The following MARCHF1 variants were observed in gnomAD, a reference collection of about 807,000 sequenced individuals.
MARCHF1 encodes E3 ubiquitin-protein ligase MARCHF1.
Under a neutral mutation model 54.2 loss-of-function variants are expected in MARCHF1, and 40 were observed. The observed-to-expected ratio is 0.74, with a 90% confidence interval of 0.57 to 0.96. The LOEUF (loss-of-function observed/expected upper bound fraction) is 0.96. Among genes scored for constraint, MARCHF1 ranks in the 40% least tolerant of loss-of-function variants. The probability of loss-of-function intolerance (pLI) is 0.00; values close to 1 mark genes in which losing one functional copy is unlikely to be tolerated. For synonymous variants in MARCHF1, 236 were observed against 236.3 expected, an observed-to-expected ratio of 1.00 and a Z score of 0.01; for missense variants, 586 against 656.5, an observed-to-expected ratio of 0.89 and a Z score of 1.17.
intron 4 of MARCHF1, among the ~76,000 whole-genome samples, chr4:163,736,873 T>C (rs1746048927): frequency 6.6e-6 from 1 of 152,212 alleles, no homozygotes; most frequent in Non-Finnish European, 1.5e-5. Context: ...TAAAATATAC[T>C]GTCTTCATAC....
intron 5 of MARCHF1, among the ~76,000 whole-genome samples, chr4:163,698,471 T>C (rs1419467535): frequency 6.6e-6 from 1 of 152,194 alleles, no homozygotes; most frequent in Non-Finnish European, 1.5e-5. Context: ...CTGAAATCTG[T>C]TTATTCCTAT....
intron 9 of MARCHF1, among the ~76,000 whole-genome samples, chr4:163,536,817 C>CT (rs914904096): frequency 6.6e-6 from 1 of 152,096 alleles, no homozygotes; most frequent in African/African-American, 2.4e-5. Flanking sequence ...GATCCCTCCA[C>CT]TTTCCTTCAC....
chr4:163,915,341 G>T lies in MARCHF1; in HGVS notation c.-38-61172C>A, dbSNP rs1751283962. Reference sequence around the variant, plus strand: ...AACCATAATCCCAACTTAATTATGAGAAAAATGTAAAAACTCCAAATAGAT... The same window carrying T: ...AACCATAATCCCAACTTAATTATGATAAAAATGTAAAAACTCCAAATAGAT... On this transcript the variant is annotated intron_variant, in intron 3 of 9. Coordinates refer to ENST00000514618, the MANE Select transcript of MARCHF1 (RefSeq NM_001394959.1). 2.0e-5 allele frequency among the ~76,000 whole-genome samples: 3 copies of T among 151,958 alleles called. No individual in the cohort carries two copies. The South Asian group carries it at 6.3e-4, about 32-fold the overall frequency.
chr4:163,926,477 A>G lies in MARCHF1; in HGVS notation c.-39+62024T>C, dbSNP rs377131365. On this transcript the variant is annotated intron_variant, in intron 3 of 9. Coordinates refer to ENST00000514618, the MANE Select transcript of MARCHF1 (RefSeq NM_001394959.1). ...TGTATAGAACTTTTGGTGAACATATACTCTTAACTGTTGGGCCAATACATA... is the reference window on the plus strand; with the variant it reads ...TGTATAGAACTTTTGGTGAACATATGCTCTTAACTGTTGGGCCAATACATA... Among the ~76,000 whole-genome samples, 6 of 151,440 alleles carry G rather than the reference A, an allele frequency of 4.0e-5. No individual in the cohort carries two copies. The East Asian group carries it at 7.7e-4, about 19-fold the overall frequency.
chr4:163,750,985 A>C (rs1431244357), intron 4 of MARCHF1, among the ~76,000 whole-genome samples: 1 of 152,244 alleles, frequency 6.6e-6, no homozygotes, highest in Non-Finnish European at 1.5e-5. Flanking sequence ...GATAAAAATT[A>C]TTTTCAAAAT....
chr4:164,273,146 T>A (rs1239198279), intron 1 of MARCHF1, among the ~76,000 whole-genome samples: 2 of 152,086 alleles, frequency 1.3e-5, no homozygotes, highest in Non-Finnish European at 2.9e-5. Flanking sequence ...GGGTAATTTA[T>A]AAAGGAAAGA....
chr4:163,623,787 T>C, intron 5 of MARCHF1, among the ~76,000 whole-genome samples: 1 of 152,220 alleles, frequency 6.6e-6, no homozygotes, highest in East Asian at 1.9e-4. Context: ...TGTCTCATTT[T>C]CCCTACCCAT....
chr4:163,808,345 A>T (rs895895571), intron 4 of MARCHF1, among the ~76,000 whole-genome samples: 9 of 152,164 alleles, frequency 5.9e-5, no homozygotes, highest in African/African-American at 2.2e-4. Context: ...TAACTGACCT[A>T]GTTTGGTGAA....
At chr4:163,590,809 T>C (rs1046608361) in intron 7 of MARCHF1, among the ~76,000 whole-genome samples, 19 of 152,064 alleles carry the variant, frequency 1.2e-4, no homozygotes, top group African/African-American at 4.6e-4. Context: ...GTGTTGTCCA[T>C]TCACCCTGGT....
chr4:163,675,167 G>A (rs1237775533), intron 5 of MARCHF1, among the ~76,000 whole-genome samples: 1 of 152,148 alleles, frequency 6.6e-6, no homozygotes. Context: ...TTGCAAATCT[G>A]TATAAAAACA....
intron 1 of MARCHF1, among the ~76,000 whole-genome samples, chr4:164,143,015 A>T (rs77668016): frequency 2.0e-5 from 3 of 149,322 alleles, no homozygotes; most frequent in Admixed American, 6.7e-5. Context: ...TCGAGAACTA[A>T]GTGAAGAATG....
intron 3 of MARCHF1, among the ~76,000 whole-genome samples, chr4:163,920,494 C>T (rs1234050700): frequency 2.0e-5 from 3 of 152,198 alleles, no homozygotes; most frequent in African/African-American, 7.2e-5. Context: ...GCTGTACTTA[C>T]TCCAGCCTTT....
intron 3 of MARCHF1, among the ~76,000 whole-genome samples, chr4:163,889,084 G>A (rs1036981467): frequency 3.9e-5 from 6 of 152,092 alleles, no homozygotes; most frequent in African/African-American, 1.4e-4. Context: ...TAAATGAGTA[G>A]TCAGGGAATG....
Position 163,616,334 on chromosome 4 carries a change from A to G in MARCHF1, c.163-2941T>C, listed in dbSNP as rs536740262. Among the ~76,000 whole-genome samples, 4 of 152,270 alleles carry G rather than the reference A, an allele frequency of 2.6e-5. No individual in the cohort carries two copies. The East Asian group carries it at 7.7e-4, about 29-fold the overall frequency. On this transcript the variant is annotated intron_variant, in intron 5 of 9. Coordinates refer to ENST00000514618, the MANE Select transcript of MARCHF1 (RefSeq NM_001394959.1). ...AAGAGACAGTCTGTAGCATGGGAGAAAATATTTGCAAACCATACATCCAAT... is the reference window on the plus strand; with the variant it reads ...AAGAGACAGTCTGTAGCATGGGAGAGAATATTTGCAAACCATACATCCAAT...
chr4:164,173,467 A>G (rs1213627953), intron 1 of MARCHF1, among the ~76,000 whole-genome samples: 1 of 152,212 alleles, frequency 6.6e-6, no homozygotes, highest in Non-Finnish European at 1.5e-5. Flanking sequence ...TAATAATGGC[A>G]GACGCAATTC....
At chr4:163,703,136 A>C (rs1744855319) in intron 4 of MARCHF1, among the ~76,000 whole-genome samples, 2 of 152,138 alleles carry the variant, frequency 1.3e-5, no homozygotes, top group South Asian at 4.1e-4. Context: ...TAAATTGTGA[A>C]GTTATGATAT....
intron 3 of MARCHF1, among the ~76,000 whole-genome samples, chr4:163,879,804 CGTGTGT>C (rs60539215): frequency 4.0e-5 from 6 of 148,490 alleles, no homozygotes; most frequent in South Asian, 2.2e-4. Context: ...GATTTAGAGG[CGTGTGT>C]GTGTGTGTGT....
At chr4:164,215,733 G>C (rs1731912527) in intron 1 of MARCHF1, among the ~76,000 whole-genome samples, 1 of 152,152 alleles carries the variant, frequency 6.6e-6, no homozygotes, top group Non-Finnish European at 1.5e-5. Context: ...ATGAGGCTGA[G>C]GTAGAATAGC....
rs574021521 is a variant in MARCHF1, at chr4:163,796,579, C to T, written c.111+57442G>A. Among the ~76,000 whole-genome samples the T allele has an allele frequency of 2.4e-3, 369 of 152,064 alleles. 2 individuals carry two copies. The highest frequency in any genetic ancestry group is 8.3e-3 in the African/African-American group (344 of 41,494). On this transcript the variant is annotated intron_variant, in intron 4 of 9. Transcript: ENST00000514618. Reference sequence around the variant, plus strand: ...TTTGCTTTACCTACTTAAAAAAGCACAACACTATATTTATTTTTTCATACA... The same window carrying T: ...TTTGCTTTACCTACTTAAAAAAGCATAACACTATATTTATTTTTTCATACA...
Sources: gnomAD v4.1 joint callset for allele counts (sites outside exome capture counted in the v4.1 genomes callset) on GRCh38, gnomAD v4.1.1 for gene constraint, MANE v1.5 for transcripts, NCBI Gene and HGNC (gene_info 2026-07-23, HGNC 2026-07-21) for gene names.